Variants in SCMH1 observed in about 807,000 individuals in gnomAD.
The protein encoded by SCMH1 is Scm polycomb group protein homolog 1, also known as polycomb protein SCMH1.
SCMH1 carries 37 observed loss-of-function variants against 70.8 expected under a neutral mutation model. That is an observed-to-expected ratio of 0.52 (90% CI 0.40 to 0.69). SCMH1 has a LOEUF of 0.69. Among genes scored for constraint, SCMH1 ranks in the 30% least tolerant of loss-of-function variants. SCMH1 has a pLI of 0.00. For synonymous variants in SCMH1, 292 were observed against 307.4 expected (o/e 0.95, Z 0.52); for missense variants, 607 against 827.3 (o/e 0.73, Z 3.27).
chr1:41,160,921 A>G, intron 3 of SCMH1, 23 bp from the exon 4 acceptor site: 2 of 1,548,856 alleles, frequency 1.3e-6, no homozygotes, highest in Non-Finnish European at 1.7e-6. Flanking sequence ...AAAATGTTGG[A>G]GCATAAGTCA....
intron 1 of SCMH1, among the ~76,000 whole-genome samples, chr1:41,235,570 A>T (rs1444714394): frequency 4.6e-5 from 5 of 108,178 alleles, no homozygotes; most frequent in Non-Finnish European, 8.4e-5. Flanking sequence ...GACTCCGTCT[A>T]AAAAAAAAAA....
intron 8 of SCMH1, among the ~76,000 whole-genome samples, chr1:41,083,431 C>T (rs916518517): frequency 6.6e-6 from 1 of 152,100 alleles, no homozygotes; most frequent in African/African-American, 2.4e-5. Context: ...AAGTGAAGGA[C>T]CTCTTCAAGG....
At chr1:41,046,369 T>TC in intron 12 of SCMH1, 38 bp downstream of exon 12, 1 of 1,586,406 alleles carries the variant, frequency 6.3e-7, no homozygotes, top group African/African-American at 1.3e-5. Flanking sequence ...GCTAGCCCTG[T>TC]CCCCCACTCT....
At chr1:41,155,713 A>G (rs213741) in intron 4 of SCMH1, among the ~76,000 whole-genome samples, 129,382 of 152,136 alleles carry the variant, frequency 0.85, 55,525 homozygotes, top group East Asian at 0.97. Flanking sequence ...CGGGCGCAGT[A>G]GTTCACTCCT....
chr1:41,221,893 CAAAAAAAAAAA>C (rs34257855), intron 1 of SCMH1, among the ~76,000 whole-genome samples: 30 of 45,060 alleles, frequency 6.7e-4, no homozygotes, highest in South Asian at 1.8e-3. Flanking sequence ...GACTCCGTCT[CAAAAAAAAAAA>C]AAAAAAAAAA....
chr1:41,071,245 C>A (rs1242939315), intron 9 of SCMH1, among the ~76,000 whole-genome samples: 1 of 122,162 alleles, frequency 8.2e-6, no homozygotes, highest in Non-Finnish European at 1.7e-5. Context: ...TGCACTTTTA[C>A]CTGGTCCACA....
At chr1:41,030,424 C>T (rs183877954) in intron 13 of SCMH1, among the ~76,000 whole-genome samples, 2 of 152,276 alleles carry the variant, frequency 1.3e-5, no homozygotes, top group African/African-American at 4.8e-5. Flanking sequence ...ACCCCTTACT[C>T]GCCGTGCTTC....
intron 1 of SCMH1, among the ~76,000 whole-genome samples, chr1:41,228,950 C>T (rs919863599): frequency 1.3e-5 from 2 of 152,156 alleles, no homozygotes; most frequent in Non-Finnish European, 2.9e-5. Flanking sequence ...AAGATTCATT[C>T]ATTCGGAGGC....
At chr1:41,061,616 T>C (rs779530460) in intron 10 of SCMH1, among the ~76,000 whole-genome samples, 1 of 151,988 alleles carries the variant, frequency 6.6e-6, no homozygotes. Flanking sequence ...AACAGATAAA[T>C]CCACTATTAT....
intron 1 of SCMH1, among the ~76,000 whole-genome samples, chr1:41,223,187 G>A (rs895568458): frequency 4.6e-5 from 7 of 152,276 alleles, no homozygotes; most frequent in African/African-American, 1.7e-4. Context: ...TGATTGTATA[G>A]AGATGTGTTA....
At chr1:41,068,469 G>T (rs1399393115) in intron 10 of SCMH1, among the ~76,000 whole-genome samples, 1 of 152,132 alleles carries the variant, frequency 6.6e-6, no homozygotes, top group Non-Finnish European at 1.5e-5. Context: ...GCACTGGTAC[G>T]ATCTTGGCTC....
intron 8 of SCMH1, among the ~76,000 whole-genome samples, chr1:41,112,780 A>G (rs997485946): frequency 6.6e-6 from 1 of 152,212 alleles, no homozygotes; most frequent in African/African-American, 2.4e-5. Flanking sequence ...GAGGTAAATT[A>G]ACTGCCCAAA....
At chr1:41,028,655 C>T (rs533089870) in exon 14 of SCMH1, 43 of 1,614,148 alleles carry the variant, frequency 2.7e-5, no homozygotes, top group East Asian at 2.0e-4. Flanking sequence ...ATCACATCCT[C>T]GACTGTCCAT....
chr1:41,042,574 T>G (rs1357866589), intron 12 of SCMH1, among the ~76,000 whole-genome samples: 2 of 152,044 alleles, frequency 1.3e-5, no homozygotes, highest in Non-Finnish European at 2.9e-5. Context: ...ACCAGCCTCT[T>G]ATTTGATCCA....
At chr1:41,073,618 T>TC (rs147448535) in intron 9 of SCMH1, among the ~76,000 whole-genome samples, 1 of 148,640 alleles carries the variant, frequency 6.7e-6, no homozygotes. Flanking sequence ...ATCACTAAAA[T>TC]CATCCATCCA....
At chr1:41,225,224 T>TA (rs1229567763) in intron 1 of SCMH1, among the ~76,000 whole-genome samples, 1 of 152,138 alleles carries the variant, frequency 6.6e-6, no homozygotes, top group Non-Finnish European at 1.5e-5. Context: ...AGAACCTGGG[T>TA]AGGAGGTTCA....
At chr1:41,234,887 T>C (rs1454590346) in intron 1 of SCMH1, among the ~76,000 whole-genome samples, 2 of 152,156 alleles carry the variant, frequency 1.3e-5, no homozygotes, top group African/African-American at 2.4e-5. Flanking sequence ...TGGCCATCAG[T>C]TGTTCCTGCC....
chr1:41,112,405 C>T (rs562526039), intron 8 of SCMH1, among the ~76,000 whole-genome samples: 46 of 152,232 alleles, frequency 3.0e-4, no homozygotes, highest in African/African-American at 1.0e-3. Context: ...TTATTATTAT[C>T]TTTACTAAAA....
chr1:41,200,377 G>A (rs1345506085), intron 1 of SCMH1, among the ~76,000 whole-genome samples: 1 of 152,054 alleles, frequency 6.6e-6, no homozygotes, highest in Non-Finnish European at 1.5e-5. Flanking sequence ...CTACGCAGGA[G>A]GCTGAGGCAG....
Sources: gnomAD v4.1 joint callset for allele counts (sites outside exome capture counted in the v4.1 genomes callset) on GRCh38, gnomAD v4.1.1 for gene constraint, MANE v1.5 for transcripts, NCBI Gene and HGNC (gene_info 2026-07-23, HGNC 2026-07-21) for gene names.